SARDH: variants seen among roughly 807,000 people sequenced by gnomAD.
SARDH encodes sarcosine dehydrogenase, also known as sarcosine dehydrogenase, mitochondrial.
SARDH carries 95 observed loss-of-function variants against 109.1 expected under a neutral mutation model. The ratio of observed to expected loss-of-function variants is 0.87; its 90% confidence interval spans 0.74 to 1.03. The LOEUF is 1.03. SARDH is among the 50% of genes least tolerant of loss of function. The pLI is 0.00. For synonymous variants in SARDH, 572 were observed against 534.8 expected (o/e 1.07, Z -0.96); for missense variants, 1,267 against 1,287.8 (o/e 0.98, Z 0.25).
chr9:133,680,246 C>T (rs890801773), intron 17 of SARDH, among the ~76,000 whole-genome samples: 14 of 152,210 alleles, frequency 9.2e-5, no homozygotes, highest in African/African-American at 3.1e-4. Context: ...GCAGAAGGAC[C>T]GGGCAGGATG....
rs909286950 is a variant in SARDH at position 133,728,842 on chromosome 9, G to A, written c.915+923C>T. Reference sequence around the variant, plus strand: ...AGGAAGGGCAGAGGGAGAGATGAGTGGCTAGAGGGAGGGAGGGAGGGATTG... The same window carrying A: ...AGGAAGGGCAGAGGGAGAGATGAGTAGCTAGAGGGAGGGAGGGAGGGATTG... On this transcript the variant is annotated intron_variant, in intron 6 of 20. Transcript: ENST00000439388. The surrounding 1 kb of genome is among the most constrained non-coding windows in gnomAD (Gnocchi z 5.0). Among the ~76,000 whole-genome samples, 9 of 152,126 alleles carry A rather than the reference G, an allele frequency of 5.9e-5. No individual in the cohort carries two copies. Among genetic ancestry groups the A allele is most frequent in the African/African-American group, 2.2e-4 (9 of 41,500 alleles).
chr9:133,713,108 G>A lies in SARDH; in HGVS notation c.1167C>T (p.Asp389=). 6.2e-7 allele frequency: 1 copy of A among 1,613,360 alleles called. No individual in the cohort carries two copies. The highest frequency in any genetic ancestry group is 8.5e-7 in the Non-Finnish European group (1 of 1,179,938). ...GTGCCTCCCCCATCAGGGGCTTGTG[G>A]TCGGGCGTGAAGGATTCTGAAAGAA... ...TVCGPESFTP[D]HKPLMGEAPE... is the part of the protein sequence containing the mutation. The change falls in exon 9 of 21, where the codon GAC becomes GAT. Residue 389 remains aspartate (D), a synonymous_variant. Transcript: ENST00000439388.
At position 133,732,460 on chromosome 9, in the gene SARDH, T is replaced by C. The variant is rs146886270; in HGVS notation, c.473A>G (p.Asn158Ser). Residue 158 changes from asparagine (N) to serine (S), a missense_variant, in exon 3 of 21, where the codon AAC becomes AGC. By Grantham distance (46) the Asn-to-Ser change is conservative (BLOSUM62 1). Transcript: ENST00000439388. ...IQNGGLFIAS[N>S]RQRLDEYKRL... ...CTTGTACTCGTCCAGGCGCTGCCGG[T>C]TGGACGCGATGAAGAGGCCCCCATT... 2,989 of 1,383,474 alleles carry C rather than the reference T, an allele frequency of 2.2e-3. 47 individuals are homozygous for C. In the African/African-American group the frequency reaches 0.037, roughly 17 times the overall value. 85.7% of individuals were successfully genotyped at this position (1,383,474 alleles called of 1,614,324 possible). A position where few individuals can be genotyped will look rare whatever the true frequency, so the allele number is the denominator to read the frequency against.
intron 11 of SARDH, among the ~76,000 whole-genome samples, chr9:133,707,911 C>T (rs767075384): frequency 1.9e-4 from 29 of 152,112 alleles, no homozygotes; most frequent in Non-Finnish European, 3.4e-4. Context: ...CTCCAATGTA[C>T]GCCGTGTTCT....
intron 13 of SARDH, among the ~76,000 whole-genome samples, chr9:133,699,614 T>A (rs1194596422): frequency 6.6e-6 from 1 of 152,168 alleles, no homozygotes; most frequent in African/African-American, 2.4e-5. Context: ...AACAGGCCCA[T>A]GAAAATGTGC....
chr9:133,671,495 C>A, intron 18 of SARDH, 40 bp downstream of exon 18: 1 of 1,519,434 alleles, frequency 6.6e-7, no homozygotes, highest in East Asian at 2.4e-5. Flanking sequence ...CCCCCCACTG[C>A]GCCCGCCCCC....
At chr9:133,734,408 C>T (rs1808179) in intron 1 of SARDH, among the ~76,000 whole-genome samples, 48,763 of 107,154 alleles carry the variant, frequency 0.46, 10,051 homozygotes, top group Middle Eastern at 0.6. Context: ...CATTCATTCA[C>T]TCATTCATTC....
At chr9:133,713,538 C>G (rs1266403216) in intron 8 of SARDH, among the ~76,000 whole-genome samples, 1 of 152,254 alleles carries the variant, frequency 6.6e-6, no homozygotes, top group East Asian at 1.9e-4. Context: ...GACCAGTTTT[C>G]TCACTCCACT....
intron 5 of SARDH, 87 bp from the exon 6 acceptor site, chr9:133,729,952 G>A: frequency 1.3e-6 from 2 of 1,590,690 alleles, no homozygotes; most frequent in East Asian, 4.5e-5. Context: ...CTGCAGACCT[G>A]TCTGCCCTAG....
intron 13 of SARDH, among the ~76,000 whole-genome samples, chr9:133,696,762 T>C (rs925506913): frequency 2.0e-5 from 3 of 152,078 alleles, no homozygotes; most frequent in African/African-American, 7.2e-5. Context: ...CAAAGGGAAT[T>C]AGAAGCTACT....
rs749643489 is a variant in SARDH, at chr9:133,717,284, G to T, written c.1150+42C>A. 4.3e-6 allele frequency: 7 copies of T among 1,609,834 alleles called. No individual in the cohort carries two copies. In the East Asian group the frequency reaches 1.6e-4, roughly 36 times the overall value. On this transcript the variant is annotated intron_variant, in intron 8 of 20. Transcript: ENST00000439388. ...CACTACTAACAGTCATCAGACCAAA[G>T]GACCCATGGACGCCCACCCCAGCTC...
rs542710160 is a variant in SARDH at position 133,686,733 on chromosome 9, G to A, written c.2070-1447C>T. Among the ~76,000 whole-genome samples the A allele has an allele frequency of 3.9e-5, 6 of 152,278 alleles. No homozygotes were observed. The East Asian group carries it at 1.2e-3, about 29-fold the overall frequency. The stretch of plus-strand genomic sequence containing the variant: ...TTGAGGCTGCAGGGTGGGCTGTCCA[G>A]AAGTACTGCTGACCCTAATCCCAAT... On this transcript the variant is annotated intron_variant, in intron 16 of 20. Coordinates refer to ENST00000439388, the MANE Select transcript of SARDH (RefSeq NM_001134707.2). The surrounding 1 kb of genome is among the most constrained non-coding windows in gnomAD (Gnocchi z 4.0).
intron 17 of SARDH, among the ~76,000 whole-genome samples, chr9:133,680,772 C>A (rs867559490): frequency 6.7e-6 from 1 of 148,798 alleles, no homozygotes; most frequent in Non-Finnish European, 1.5e-5. Flanking sequence ...CCACACTGGC[C>A]ACTCCAGACA....
intron 6 of SARDH, among the ~76,000 whole-genome samples, chr9:133,722,642 GCTCTCTCTCTCTCTCT>G (rs56179331): frequency 7.5e-5 from 11 of 145,802 alleles, no homozygotes; most frequent in East Asian, 2.0e-4. Flanking sequence ...AACTACTAGC[GCTCTCTCTCTCTCTCT>G]CTCTCTCTCT....
rs200365223 is a variant in SARDH at position 133,729,869 on chromosome 9, C to T, written c.815-4G>A. ...CCCACAGCACTTGCCCACACTCCTGCGGGCAGAGCACAGACAGCTCAGCTC... is the reference window on the plus strand; with the variant it reads ...CCCACAGCACTTGCCCACACTCCTGTGGGCAGAGCACAGACAGCTCAGCTC... On this transcript the variant is annotated splice_region_variant and splice_polypyrimidine_tract_variant and intron_variant, in intron 5 of 20. Transcript: ENST00000439388. 7.4e-6 allele frequency: 12 copies of T among 1,610,836 alleles called. No individual in the cohort carries two copies. The highest frequency in any genetic ancestry group is 1.7e-4 in the Middle Eastern group (1 of 6,060).
chr9:133,721,634 G>A (rs1404017196), intron 6 of SARDH, among the ~76,000 whole-genome samples: 1 of 152,186 alleles, frequency 6.6e-6, no homozygotes, highest in East Asian at 1.9e-4. Context: ...GAGGGAAATG[G>A]GACTTGGGGG....
intron 16 of SARDH, among the ~76,000 whole-genome samples, chr9:133,688,348 C>G (rs976292180): frequency 6.6e-6 from 1 of 152,006 alleles, no homozygotes; most frequent in African/African-American, 2.4e-5. Context: ...TCCCCCGACC[C>G]TCTCAGCACA....
intron 8 of SARDH, among the ~76,000 whole-genome samples, 181 bp from the exon 9 acceptor site, chr9:133,713,305 C>T (rs572708881): frequency 3.9e-5 from 6 of 152,190 alleles, no homozygotes; most frequent in African/African-American, 7.2e-5. Context: ...GGCTCCTGCC[C>T]GTGCTCTCTG....
At chr9:133,679,254 A>T (rs1379900929) in intron 17 of SARDH, among the ~76,000 whole-genome samples, 1 of 152,192 alleles carries the variant, frequency 6.6e-6, no homozygotes, top group Non-Finnish European at 1.5e-5. Context: ...GGCCTCAGCA[A>T]ATCTGCACGG....
Sources: allele counts gnomAD v4.1 joint callset (sites outside exome capture counted in the v4.1 genomes callset), GRCh38; gene constraint gnomAD v4.1.1; non-coding constraint Gnocchi (gnomAD v3.1); transcripts MANE v1.5; gene names NCBI Gene and HGNC (gene_info 2026-07-23, HGNC 2026-07-21).